CFAP46: variants seen among roughly 807,000 people sequenced by gnomAD.
The protein encoded by CFAP46 is cilia and flagella associated protein 46, also known as cilia- and flagella-associated protein 46.
A neutral mutation model predicts 325.7 loss-of-function variants in CFAP46; 245 were observed. That is an observed-to-expected ratio of 0.75 (90% CI 0.68 to 0.84). The LOEUF (loss-of-function observed/expected upper bound fraction) is 0.84. Among genes scored for constraint, CFAP46 ranks in the 40% least tolerant of loss-of-function variants. The pLI is 0.00. For synonymous variants in CFAP46, 1,523 were observed against 1,495.9 expected, an observed-to-expected ratio of 1.02 and a Z score of -0.42; for missense variants, 3,346 against 3,543.0, an observed-to-expected ratio of 0.94 and a Z score of 1.41.
intron 8 of CFAP46, among the ~76,000 whole-genome samples, chr10:132,930,992 A>T (rs1468145520): frequency 9.1e-6 from 1 of 110,440 alleles, no homozygotes. Flanking sequence ...CACTCCCCAC[A>T]CAGAGCCTGG....
chr10:132,867,300 T>C (rs1305503982), intron 34 of CFAP46, 75 bp downstream of exon 34: 27 of 1,506,632 alleles, frequency 1.8e-5, no homozygotes, highest in Non-Finnish European at 2.3e-5. Context: ...CTGGCTCAGC[T>C]GCAGCCCTGC....
chr10:132,858,369 GCCAGGGAGGC>G, intron 38 of CFAP46, among the ~76,000 whole-genome samples: 1 of 134,950 alleles, frequency 7.4e-6, no homozygotes, highest in Admixed American at 7.6e-5. Context: ...GGTGGGCGGG[GCCAGGGAGGC>G]TTTGCTGGGG....
intron 9 of CFAP46, chr10:132,929,389 G>A: frequency 1.5e-6 from 1 of 660,184 alleles, no homozygotes; most frequent in Non-Finnish European, 2.8e-6. Context: ...CCAATAATGG[G>A]ACTGGTGGAG....
chr10:132,830,697 CT>C (rs1382558140), intron 50 of CFAP46, among the ~76,000 whole-genome samples: 1 of 152,066 alleles, frequency 6.6e-6, no homozygotes, highest in African/African-American at 2.4e-5. Flanking sequence ...CTCTTTTTTC[CT>C]GATCAGCCTG....
rs1848159075 is a variant in CFAP46, at chr10:132,832,321, GT to G, written c.7117+1036del. 6.7e-6 allele frequency among the ~76,000 whole-genome samples: 1 copy of G among 150,008 alleles called. No homozygotes were observed. The highest frequency in any genetic ancestry group is 2.5e-5 in the African/African-American group (1 of 40,482). On this transcript the variant is annotated intron_variant, in intron 50 of 57. Transcript: ENST00000368586. The surrounding 1 kb of genome is among the most constrained non-coding windows in gnomAD (Gnocchi z 4.1). ...TTCCAGGTGTCCCGCCCTGCACGTT[GT>G]AGTTGTCAGTTTCCCAGACTCCAAA...
Position 132,889,049 on chromosome 10 carries a change from G to C in CFAP46, c.3305-3090C>G, listed in dbSNP as rs1253804097. On this transcript the variant is annotated intron_variant, in intron 25 of 57. Transcript: ENST00000368586. This position sits in a 1 kb window ranked among gnomAD's most constrained non-coding sequence, Gnocchi z 6.0. Reference sequence around the variant, plus strand: ...CCCTTTCTCTTTTCAGAAGTCTGGTGCTTTTCTGTAATTTTAAAGATAAAC... The same window carrying C: ...CCCTTTCTCTTTTCAGAAGTCTGGTCCTTTTCTGTAATTTTAAAGATAAAC... Among the ~76,000 whole-genome samples the C allele has an allele frequency of 6.6e-6, 1 of 152,196 alleles. No homozygotes were observed. Among genetic ancestry groups the C allele is most frequent in the Non-Finnish European group, 1.5e-5 (1 of 68,036 alleles).
At chr10:132,927,521 T>C (rs2135661807) in intron 9 of CFAP46, among the ~76,000 whole-genome samples, 1 of 152,262 alleles carries the variant, frequency 6.6e-6, no homozygotes, top group East Asian at 1.9e-4. Context: ...CCGGCCAGGA[T>C]GGAGAGCGCA....
chr10:132,912,828 A>C lies in CFAP46; in HGVS notation c.2334-8T>G. 6.5e-7 allele frequency: 1 copy of C among 1,547,762 alleles called. No homozygotes were observed. The highest frequency in any genetic ancestry group is 8.7e-7 in the Non-Finnish European group (1 of 1,146,508). On this transcript the variant is annotated splice_region_variant and splice_polypyrimidine_tract_variant and intron_variant, in intron 18 of 57. Transcript: ENST00000368586. Reference sequence around the variant, plus strand: ...ACCAGCATCACGGGGTCCCTGGGAGACATGCTTGTCAGAGGGAACCTTGGC... The same window carrying C: ...ACCAGCATCACGGGGTCCCTGGGAGCCATGCTTGTCAGAGGGAACCTTGGC...
chr10:132,885,658 A>T (rs1198646077), intron 26 of CFAP46, among the ~76,000 whole-genome samples, 163 bp downstream of exon 26: 1 of 56,920 alleles, frequency 1.8e-5, no homozygotes, highest in Non-Finnish European at 3.5e-5. Context: ...CCGGTGGGGG[A>T]GCAGCAGGTG....
In CFAP46 at chr10:132,810,420, G is replaced by A. The variant is rs757411536; in HGVS notation, c.7653C>T (p.Gly2551=). The change falls in exon 57 of 58, where the codon GGC becomes GGT. Residue 2551 remains glycine, a synonymous_variant. Coordinates refer to ENST00000368586, the MANE Select transcript of CFAP46 (RefSeq NM_001200049.3). Reference sequence around the variant, plus strand: ...CGCCCCTCCCTTACCTTGGTTCACCGCCTCGTCGCCACTCATCTTCTGAAG... The same window carrying A: ...CGCCCCTCCCTTACCTTGGTTCACCACCTCGTCGCCACTCATCTTCTGAAG... ...ASPSEDEWRR[G]GEPRRGFSDL... 64 of 1,613,194 alleles carry A rather than the reference G, an allele frequency of 4.0e-5. No individual in the cohort carries two copies. Among genetic ancestry groups the A allele is most frequent in the Middle Eastern group, 3.3e-4 (2 of 6,084 alleles).
At chr10:132,871,191 G>A (rs1277658069) in intron 32 of CFAP46, among the ~76,000 whole-genome samples, 1 of 152,242 alleles carries the variant, frequency 6.6e-6, no homozygotes, top group Non-Finnish European at 1.5e-5. Flanking sequence ...CAGAAAAACA[G>A]ATTCCTTTCC....
At chr10:132,841,710 G>A (rs529329488) in intron 44 of CFAP46, among the ~76,000 whole-genome samples, 1 of 152,322 alleles carries the variant, frequency 6.6e-6, no homozygotes, top group Admixed American at 6.5e-5. Flanking sequence ...CGTGGCCAAT[G>A]CTGTGGCCAC....
intron 27 of CFAP46, among the ~76,000 whole-genome samples, chr10:132,882,892 C>G (rs1379651670): frequency 6.6e-6 from 1 of 152,012 alleles, no homozygotes; most frequent in African/African-American, 2.4e-5. Context: ...ATGGGAGGTT[C>G]AAGGGAGAGC....
intron 27 of CFAP46, 98 bp from the exon 28 acceptor site, chr10:132,881,130 G>A: frequency 8.4e-7 from 1 of 1,196,312 alleles, no homozygotes; most frequent in South Asian, 1.4e-5. Flanking sequence ...TACAAGAAAA[G>A]CTTCATTCTT....
intron 27 of CFAP46, among the ~76,000 whole-genome samples, chr10:132,881,434 G>A (rs1718894247): frequency 1.3e-5 from 2 of 152,202 alleles, no homozygotes; most frequent in African/African-American, 4.8e-5. Context: ...GTCCCTGCTG[G>A]AAAGGAGGCC....
In CFAP46 at chr10:132,939,613, C is replaced by T. The variant is rs572531597; in HGVS notation, c.372-860G>A. ...CCTCTGAGTTTACTCAGAGCCACCA[C>T]GTGACCCTAGGACAGGACTCATCCT... On this transcript the variant is annotated intron_variant, in intron 4 of 57. Transcript: ENST00000368586. The surrounding 1 kb of genome is among the most constrained non-coding windows in gnomAD (Gnocchi z 4.6). 5.9e-5 allele frequency among the ~76,000 whole-genome samples: 9 copies of T among 152,306 alleles called. No homozygotes were observed. The highest frequency in any genetic ancestry group is 3.4e-3 in the Middle Eastern group (1 of 294).
chr10:132,840,774 G>A (rs1259475701), intron 44 of CFAP46, among the ~76,000 whole-genome samples: 1 of 152,158 alleles, frequency 6.6e-6, no homozygotes, highest in Non-Finnish European at 1.5e-5. Flanking sequence ...CTGATTTCCT[G>A]CTTTATGTCA....
At chr10:132,898,631 T>C in intron 24 of CFAP46, 1 of 389,746 alleles carries the variant, frequency 2.6e-6, no homozygotes, top group Non-Finnish European at 5.0e-6. Flanking sequence ...AGGTGGGGCC[T>C]GTCCTCCCTG....
At chr10:132,813,166 G>A (rs1045128995) in intron 54 of CFAP46, among the ~76,000 whole-genome samples, 28 of 152,172 alleles carry the variant, frequency 1.8e-4, no homozygotes, top group Admixed American at 5.2e-4. Flanking sequence ...GGCTCGCTGC[G>A]GGAAACGCTA....
Sources: allele counts gnomAD v4.1 joint callset (sites outside exome capture counted in the v4.1 genomes callset), GRCh38; gene constraint gnomAD v4.1.1; non-coding constraint Gnocchi (gnomAD v3.1); transcripts MANE v1.5; gene names NCBI Gene and HGNC (gene_info 2026-07-23, HGNC 2026-07-21).